The following HUNK variants were observed in gnomAD, a reference collection of about 807,000 sequenced individuals.
The protein encoded by HUNK is hormonally up-regulated neu tumor-associated kinase.
HUNK carries 21 observed loss-of-function variants against 61.0 expected under a neutral mutation model. The ratio of observed to expected loss-of-function variants is 0.34; its 90% CI spans 0.24 to 0.50. The LOEUF is 0.50. Ranked by LOEUF, HUNK falls within the 20% of genes least tolerant of loss-of-function variation. HUNK has a pLI of 0.98. For missense variants in HUNK, 772 were observed against 945.7 expected, an observed-to-expected ratio of 0.82 and a Z score of 2.41; for synonymous variants, 371 against 386.1, an observed-to-expected ratio of 0.96 and a Z score of 0.46.
chr21:32,000,417 A>G lies in HUNK; in HGVS notation c.*1233A>G, dbSNP rs1426243980. On this transcript the variant is annotated 3_prime_UTR_variant, in exon 11 of 11. Coordinates refer to ENST00000270112, the MANE Select transcript of HUNK (RefSeq NM_014586.2). ...AGGATCGAACCAAAGATGTGTCTCC[A>G]GTATTGTGTCTGTGCCCCTGTGTGT... The G allele has an allele frequency of 1.0e-5, 4 of 398,974 alleles. No homozygotes were observed. The highest frequency in any genetic ancestry group is 1.8e-5 in the Non-Finnish European group (4 of 226,128). The allele number at this position is 398,974 out of a possible 1,614,324, so 24.7% of individuals were successfully genotyped here.
chr21:31,943,956 C>T (rs1435935621), intron 3 of HUNK, among the ~76,000 whole-genome samples: 1 of 152,242 alleles, frequency 6.6e-6, no homozygotes, highest in Admixed American at 6.5e-5. Flanking sequence ...TTTGATGGTG[C>T]TGTCTCTCAC....
chr21:31,983,726 T>TA (rs1414783608), intron 8 of HUNK, 117 bp downstream of exon 8: 11 of 721,952 alleles, frequency 1.5e-5, no homozygotes, highest in Admixed American at 9.6e-5. Context: ...GACACATACT[T>TA]ACGCTCATAA....
Position 31,942,858 on chromosome 21 carries a change from T to C in HUNK, c.610+2638T>C, listed in dbSNP as rs113587344. Among the ~76,000 whole-genome samples the C allele has an allele frequency of 1.2e-3, 167 of 142,760 alleles. 2 individuals carry two copies. The highest frequency in any genetic ancestry group is 4.1e-3 in the African/African-American group (150 of 36,328). The allele number at this position is 142,760 out of a possible 152,430, so 93.7% of individuals were successfully genotyped here. ...GCAGTGGAAACTGAGGAACCCTACC[T>C]CATACCTGCCCCGAGAGAGACCTTA... is the stretch of plus-strand genomic sequence containing the variant. On this transcript the variant is annotated intron_variant, in intron 3 of 10. Coordinates refer to ENST00000270112, the MANE Select transcript of HUNK (RefSeq NM_014586.2).
intron 1 of HUNK, among the ~76,000 whole-genome samples, chr21:31,916,604 G>A (rs1720481556): frequency 6.6e-6 from 1 of 151,934 alleles, no homozygotes; most frequent in Non-Finnish European, 1.5e-5. Context: ...GTGTTGGGGA[G>A]AGCAGTGCTT....
chr21:31,968,110 C>T lies in HUNK; in HGVS notation c.875-140C>T, dbSNP rs1049304872. The T allele has an allele frequency of 4.0e-6, 4 of 988,674 alleles. No homozygotes were observed. In the South Asian group the frequency reaches 6.3e-5, roughly 16 times the overall value. The allele number at this position is 988,674 out of a possible 1,614,324, so 61.2% of individuals were successfully genotyped here. A position where few individuals can be genotyped will look rare whatever the true frequency, so the allele number is the denominator to read the frequency against. On this transcript the variant is annotated intron_variant, in intron 5 of 10. Transcript: ENST00000270112. ...ACGATTCATTGAATCGGAACCCTGC[C>T]CAGAGACCTAGAGAAGAGATCACCC...
chr21:31,964,251 G>C (rs916994857), intron 5 of HUNK, among the ~76,000 whole-genome samples: 7 of 152,192 alleles, frequency 4.6e-5, no homozygotes, highest in African/African-American at 1.7e-4. Flanking sequence ...GTCCAAGAAG[G>C]CACAATGATC....
intron 1 of HUNK, among the ~76,000 whole-genome samples, chr21:31,906,599 T>G (rs1021198775): frequency 2.0e-5 from 3 of 152,012 alleles, no homozygotes; most frequent in Non-Finnish European, 4.4e-5. Flanking sequence ...ATGGCTAATG[T>G]TTGTATTTTT....
intron 1 of HUNK, among the ~76,000 whole-genome samples, chr21:31,917,323 G>T (rs967547274): frequency 2.0e-5 from 3 of 152,254 alleles, no homozygotes; most frequent in African/African-American, 4.8e-5. Flanking sequence ...CTCCCGAGCA[G>T]CTGGGACTAC....
chr21:31,979,600 C>T (rs755105614), intron 7 of HUNK, among the ~76,000 whole-genome samples: 10 of 142,018 alleles, frequency 7.0e-5, no homozygotes, highest in Non-Finnish European at 1.5e-4. Context: ...ACTGCAAGCT[C>T]CGCCTCCTGG....
At chr21:31,990,523 T>C (rs922290835) in intron 9 of HUNK, among the ~76,000 whole-genome samples, 1 of 149,210 alleles carries the variant, frequency 6.7e-6, no homozygotes, top group Non-Finnish European at 1.5e-5. Flanking sequence ...ATCACTTTAT[T>C]TATTTATTTA....
chr21:31,890,509 C>A (rs985983079), intron 1 of HUNK, among the ~76,000 whole-genome samples: 2 of 152,198 alleles, frequency 1.3e-5, no homozygotes, highest in South Asian at 4.1e-4. Flanking sequence ...GGATTACAGG[C>A]ATGAGCCACC....
intron 1 of HUNK, among the ~76,000 whole-genome samples, chr21:31,912,494 G>A (rs926558649): frequency 3.9e-5 from 6 of 152,134 alleles, no homozygotes; most frequent in Non-Finnish European, 5.9e-5. Flanking sequence ...GAGGAGAGGG[G>A]TAGAGTTGTA....
At chr21:31,987,843 G>T (rs959599579) in intron 8 of HUNK, among the ~76,000 whole-genome samples, 1 of 152,224 alleles carries the variant, frequency 6.6e-6, no homozygotes, top group African/African-American at 2.4e-5. Flanking sequence ...GGACCTTCCA[G>T]TCGTCCTCCG....
chr21:31,971,870 C>T (rs111716437), intron 6 of HUNK, among the ~76,000 whole-genome samples: 2 of 151,110 alleles, frequency 1.3e-5, no homozygotes, highest in African/African-American at 4.9e-5. Flanking sequence ...CCTTCATAGC[C>T]CAGGCTAGAG....
chr21:31,891,968 C>G (rs1346446494), intron 1 of HUNK, among the ~76,000 whole-genome samples: 1 of 151,734 alleles, frequency 6.6e-6, no homozygotes, highest in African/African-American at 2.4e-5. Flanking sequence ...ATGATTTAAC[C>G]TGTTGGTGTT....
chr21:31,999,244 A>C lies in HUNK; in HGVS notation c.*60A>C. On this transcript the variant is annotated 3_prime_UTR_variant, in exon 11 of 11. Transcript: ENST00000270112. Reference sequence around the variant, plus strand: ...ACAGCAACTGAACAGAGCTCCACACATCTGTCAGGGTGTGAGCACTCCAAG... The same window carrying C: ...ACAGCAACTGAACAGAGCTCCACACCTCTGTCAGGGTGTGAGCACTCCAAG... The C allele has an allele frequency of 2.8e-6, 4 of 1,434,074 alleles. No individual in the cohort carries two copies. Among genetic ancestry groups the C allele is most frequent in the Non-Finnish European group, 3.8e-6 (4 of 1,050,446 alleles). The allele number at this position is 1,434,074 out of a possible 1,614,324, so 88.8% of individuals were successfully genotyped here.
intron 7 of HUNK, among the ~76,000 whole-genome samples, chr21:31,982,879 C>A (rs1173336865): frequency 6.6e-6 from 1 of 152,188 alleles, no homozygotes; most frequent in African/African-American, 2.4e-5. Flanking sequence ...TCTTGGCTCA[C>A]TGCAGCCTCC....
intron 8 of HUNK, among the ~76,000 whole-genome samples, chr21:31,987,359 T>C (rs1445377840): frequency 6.6e-6 from 1 of 152,202 alleles, no homozygotes; most frequent in African/African-American, 2.4e-5. Flanking sequence ...TGCATGTCAC[T>C]CATGAGGACC....
intron 4 of HUNK, among the ~76,000 whole-genome samples, chr21:31,955,687 A>G (rs187507820): frequency 2.0e-5 from 3 of 152,372 alleles, no homozygotes; most frequent in Non-Finnish European, 4.4e-5. Context: ...GCCTCTGGTT[A>G]TGCTTTGTGA....
Sources: allele counts gnomAD v4.1 joint callset (sites outside exome capture counted in the v4.1 genomes callset), GRCh38; gene constraint gnomAD v4.1.1; transcripts MANE v1.5; gene names NCBI Gene and HGNC (gene_info 2026-07-23, HGNC 2026-07-21).